CTNNA3: variants seen among roughly 807,000 people sequenced by gnomAD.
CTNNA3 encodes catenin alpha 3, also known as catenin alpha-3.
In CTNNA3, 76 loss-of-function variants were observed where a neutral mutation model predicts 95.7. The ratio of observed to expected loss-of-function variants is 0.79; its 90% confidence interval spans 0.66 to 0.96. The LOEUF (loss-of-function observed/expected upper bound fraction) is 0.96. Ranked by LOEUF, CTNNA3 falls within the 40% of genes least tolerant of loss-of-function variation. The pLI is 0.00. For missense variants in CTNNA3, 1,191 were observed against 1,089.8 expected (o/e 1.09, Z -1.31); for synonymous variants, 431 against 374.4 (o/e 1.15, Z -1.74).
intron 5 of CTNNA3, among the ~76,000 whole-genome samples, chr10:67,492,889 G>A (rs1157095646): frequency 6.6e-6 from 1 of 152,146 alleles, no homozygotes; most frequent in Admixed American, 6.5e-5. Context: ...TGGTCACAAG[G>A]AGGCAAATAA....
At chr10:67,110,352 A>G (rs1858858711) in intron 7 of CTNNA3, among the ~76,000 whole-genome samples, 1 of 152,076 alleles carries the variant, frequency 6.6e-6, no homozygotes, top group South Asian at 2.1e-4. Context: ...GGGAAACTCC[A>G]CTTGGCTTAC....
intron 2 of CTNNA3, among the ~76,000 whole-genome samples, chr10:67,618,976 AACT>A (rs1457083973): frequency 6.6e-6 from 1 of 152,204 alleles, no homozygotes; most frequent in African/African-American, 2.4e-5. Context: ...AAATACTATC[AACT>A]ACAACACAAA....
At position 66,961,651 on chromosome 10, in the gene CTNNA3, TATCC is replaced by T. The variant is rs59253549; in HGVS notation, c.1048-186131_1048-186128del. Among the ~76,000 whole-genome samples the T allele has an allele frequency of 4.1e-3, 630 of 152,292 alleles. 32 individuals carry two copies. The East Asian group carries it at 0.1, about 25-fold the overall frequency. ...ACAAATCAAGATGACTCCAGATTTATATCCATAGCCTTGATCTCTCCCCTGAATT... is the reference window on the plus strand; with the variant it reads ...ACAAATCAAGATGACTCCAGATTTATATAGCCTTGATCTCTCCCCTGAATT... On this transcript the variant is annotated intron_variant, in intron 7 of 17. Transcript: ENST00000433211.
intron 12 of CTNNA3, among the ~76,000 whole-genome samples, chr10:66,322,100 G>T (rs1338150269): frequency 1.3e-5 from 2 of 152,094 alleles, no homozygotes; most frequent in Non-Finnish European, 2.9e-5. Context: ...CCTCACAGAG[G>T]ATTTCGAATC....
At chr10:67,650,103 T>G (rs1473232880) in intron 1 of CTNNA3, among the ~76,000 whole-genome samples, 1 of 152,166 alleles carries the variant, frequency 6.6e-6, no homozygotes, top group African/African-American at 2.4e-5. Flanking sequence ...CCTCCCAAAG[T>G]GCTAGGATTA....
At chr10:66,584,145 T>C (rs767768228) in intron 10 of CTNNA3, among the ~76,000 whole-genome samples, 2 of 151,962 alleles carry the variant, frequency 1.3e-5, no homozygotes, top group Admixed American at 6.6e-5. Flanking sequence ...GAGAAGAATG[T>C]ATATTCTGTA....
intron 9 of CTNNA3, among the ~76,000 whole-genome samples, chr10:66,632,565 A>G (rs1474574989): frequency 2.0e-5 from 3 of 150,296 alleles, no homozygotes; most frequent in Non-Finnish European, 4.4e-5. Flanking sequence ...CAAAAAAAAA[A>G]AAAAAAAAAA....
intron 3 of CTNNA3, among the ~76,000 whole-genome samples, chr10:67,550,216 C>T (rs1179671247): frequency 6.6e-6 from 1 of 152,156 alleles, no homozygotes; most frequent in Non-Finnish European, 1.5e-5. Context: ...CTTCAGTATT[C>T]ATATATCTAA....
At chr10:67,530,334 C>A (rs1840288889) in intron 4 of CTNNA3, among the ~76,000 whole-genome samples, 1 of 152,192 alleles carries the variant, frequency 6.6e-6, no homozygotes, top group Non-Finnish European at 1.5e-5. Flanking sequence ...TGTTGAATGG[C>A]TTTGCCCAAA....
At chr10:66,161,419 T>C (rs1391169929) in intron 13 of CTNNA3, among the ~76,000 whole-genome samples, 6 of 152,184 alleles carry the variant, frequency 3.9e-5, no homozygotes, top group Non-Finnish European at 5.9e-5. Flanking sequence ...TCAGCATTTG[T>C]TTTTCTGAAA....
chr10:66,187,345 G>A lies in CTNNA3; in HGVS notation c.1885-84096C>T, dbSNP rs566891532. On this transcript the variant is annotated intron_variant, in intron 13 of 17. Transcript: ENST00000433211. ...AAACAACAAGGCAACCACAAAAAAGGAAAAGCTAGGAATGAGTTATTCATA... is the reference window on the plus strand; with the variant it reads ...AAACAACAAGGCAACCACAAAAAAGAAAAAGCTAGGAATGAGTTATTCATA... 1.2e-4 allele frequency among the ~76,000 whole-genome samples: 18 copies of A among 150,984 alleles called. 1 individual carries two copies. In the South Asian group the frequency reaches 3.2e-3, roughly 26 times the overall value.
At chr10:66,897,673 AT>A in intron 7 of CTNNA3, among the ~76,000 whole-genome samples, 1 of 152,304 alleles carries the variant, frequency 6.6e-6, no homozygotes, top group Admixed American at 6.5e-5. Context: ...TTAGAATACT[AT>A]TAAATTGTTG....
At chr10:66,736,827 T>A (rs1849160014) in intron 9 of CTNNA3, among the ~76,000 whole-genome samples, 1 of 152,186 alleles carries the variant, frequency 6.6e-6, no homozygotes, top group African/African-American at 2.4e-5. Flanking sequence ...TCAAATAGAT[T>A]TAGGTTGCTT....
intron 13 of CTNNA3, among the ~76,000 whole-genome samples, chr10:66,110,728 C>T (rs1292798859): frequency 6.6e-6 from 1 of 152,142 alleles, no homozygotes; most frequent in African/African-American, 2.4e-5. Context: ...ACTCAACTAA[C>T]ATATTCGATT....
At position 66,255,794 on chromosome 10, in the gene CTNNA3, A is replaced by G. The variant is rs368511585; in HGVS notation, c.1884+24676T>C. On this transcript the variant is annotated intron_variant, in intron 13 of 17. Transcript: ENST00000433211. The stretch of plus-strand genomic sequence containing the variant: ...AAATTCGAATTCATGCACATTTCCA[A>G]TATTGGATCTTTTGCAAATTCCATC... Among the ~76,000 whole-genome samples, 18 of 152,352 alleles carry G rather than the reference A, an allele frequency of 1.2e-4. No individual in the cohort carries two copies. In the East Asian group the frequency reaches 2.9e-3, roughly 24 times the overall value.
Position 66,383,561 on chromosome 10 carries a change from G to T in CTNNA3, c.1532-4209C>A, listed in dbSNP as rs373230114. Among the ~76,000 whole-genome samples the T allele has an allele frequency of 2.0e-3, 300 of 152,214 alleles. 2 individuals carry two copies. The South Asian group carries it at 0.022, about 11-fold the overall frequency. On this transcript the variant is annotated intron_variant, in intron 11 of 17. Coordinates refer to ENST00000433211, the MANE Select transcript of CTNNA3 (RefSeq NM_013266.4). Reference sequence around the variant, plus strand: ...AGGAGAACTTCCCCAACCTAGCAAGGCAGGCCAACATTCAAATTCAGGAAA... The same window carrying T: ...AGGAGAACTTCCCCAACCTAGCAAGTCAGGCCAACATTCAAATTCAGGAAA...
intron 11 of CTNNA3, among the ~76,000 whole-genome samples, chr10:66,395,528 C>T (rs1012145383): frequency 1.3e-5 from 2 of 151,458 alleles, no homozygotes; most frequent in East Asian, 2.0e-4. Flanking sequence ...TAAAAAAATA[C>T]AAGGCAAAAA....
intron 5 of CTNNA3, among the ~76,000 whole-genome samples, chr10:67,306,523 TA>T (rs1276368364): frequency 6.6e-6 from 1 of 152,154 alleles, no homozygotes; most frequent in Non-Finnish European, 1.5e-5. Context: ...CCAGGAACCT[TA>T]ATTAATAAAA....
intron 7 of CTNNA3, among the ~76,000 whole-genome samples, chr10:67,131,050 T>C (rs565396969): frequency 6.6e-6 from 1 of 152,238 alleles, no homozygotes; most frequent in Admixed American, 6.6e-5. Context: ...TACCTTATCC[T>C]GCTTATACTT....
Sources: gnomAD v4.1 joint callset for allele counts (sites outside exome capture counted in the v4.1 genomes callset) on GRCh38, gnomAD v4.1.1 for gene constraint, MANE v1.5 for transcripts, NCBI Gene and HGNC (gene_info 2026-07-23, HGNC 2026-07-21) for gene names.